Variants in SCLT1 observed in about 807,000 individuals in gnomAD.
The protein encoded by SCLT1 is sodium channel and clathrin linker 1, also known as sodium channel-associated protein 1.
A neutral mutation model predicts 112.8 loss-of-function variants in SCLT1; 78 were observed. The ratio of observed to expected loss-of-function variants is 0.69; its 90% CI spans 0.58 to 0.83. The LOEUF (loss-of-function observed/expected upper bound fraction) is 0.83, where lower values mean the gene tolerates loss of function less well. SCLT1 is among the 40% of genes least tolerant of loss of function. The probability of loss-of-function intolerance (pLI) is 0.00; values close to 1 mark genes in which losing one functional copy is unlikely to be tolerated. For missense variants in SCLT1, 747 were observed against 770.4 expected (o/e 0.97, Z 0.36); for synonymous variants, 257 against 254.7 (o/e 1.01, Z -0.09).
intron 9 of SCLT1, among the ~76,000 whole-genome samples, chr4:128,990,522 A>G (rs2126066588): frequency 6.6e-6 from 1 of 152,066 alleles, no homozygotes; most frequent in Admixed American, 6.6e-5. Context: ...CTTTCTGCTA[A>G]TATCTGGAAC....
intron 19 of SCLT1, 48 bp downstream of exon 19, chr4:128,891,011 G>T: frequency 7.6e-7 from 1 of 1,309,662 alleles, no homozygotes; most frequent in Non-Finnish European, 1.1e-6. Flanking sequence ...TATAACATGT[G>T]TATCATGCTG....
chr4:129,031,660 A>G (rs1746735047), intron 5 of SCLT1, among the ~76,000 whole-genome samples: 3 of 152,000 alleles, frequency 2.0e-5, no homozygotes. Flanking sequence ...TTCCTATACA[A>G]CAACAATAGA....
intron 15 of SCLT1, among the ~76,000 whole-genome samples, chr4:128,946,478 A>C (rs1013925031): frequency 6.6e-6 from 1 of 152,168 alleles, no homozygotes; most frequent in Non-Finnish European, 1.5e-5. Context: ...AGGCTCAGGT[A>C]GGAGGATCCT....
chr4:128,907,110 ATGAG>A, intron 18 of SCLT1, among the ~76,000 whole-genome samples: 1 of 143,638 alleles, frequency 7.0e-6, no homozygotes, highest in Non-Finnish European at 1.5e-5. Flanking sequence ...TTCAGCATGA[ATGAG>A]ATACAGAGTG....
At chr4:128,954,379 C>T (rs1323074735) in intron 13 of SCLT1, among the ~76,000 whole-genome samples, 1 of 144,254 alleles carries the variant, frequency 6.9e-6, no homozygotes, top group East Asian at 2.1e-4. Context: ...AGTGCAGGGT[C>T]GTGATCTCAG....
chr4:128,942,993 T>C lies in SCLT1; in HGVS notation c.1632+3A>G. On this transcript the variant is annotated splice_donor_region_variant and intron_variant, in intron 17 of 20. Transcript: ENST00000281142. ...ACACATTTAACTCTAGTCTTGAAAA[T>C]ACCTTTACTTTGGCTTTTTTTTGAG... 6.3e-7 allele frequency: 1 copy of C among 1,597,024 alleles called. No homozygotes were observed. Among genetic ancestry groups the C allele is most frequent in the South Asian group, 1.1e-5 (1 of 89,014 alleles).
intron 5 of SCLT1, among the ~76,000 whole-genome samples, chr4:129,011,584 T>G (rs970678850): frequency 3.1e-5 from 1 of 31,832 alleles, no homozygotes; most frequent in African/African-American, 4.6e-5. Flanking sequence ...TACCTAAGCA[T>G]TTTTTTTTTG....
intron 18 of SCLT1, among the ~76,000 whole-genome samples, chr4:128,908,860 C>T (rs1734886654): frequency 1.3e-5 from 2 of 152,168 alleles, no homozygotes; most frequent in South Asian, 2.1e-4. Flanking sequence ...TTAAAGAAGG[C>T]GTACACTCTA....
At chr4:128,927,207 C>T (rs1229442458) in intron 18 of SCLT1, among the ~76,000 whole-genome samples, 1 of 151,552 alleles carries the variant, frequency 6.6e-6, no homozygotes, top group Non-Finnish European at 1.5e-5. Flanking sequence ...AAAATGACTG[C>T]ATATGTTTAA....
chr4:128,952,760 C>G lies in SCLT1; in HGVS notation c.1218+9G>C. ...ATTTGGAAGAAAATATCAGTATAGT[C>G]AAACATACCATTTGAAGGGCTGAAA... On this transcript the variant is annotated intron_variant, in intron 14 of 20. Coordinates refer to ENST00000281142, the MANE Select transcript of SCLT1 (RefSeq NM_144643.4). The G allele has an allele frequency of 1.4e-6, 2 of 1,405,990 alleles. No individual in the cohort carries two copies. Among genetic ancestry groups the G allele is most frequent in the Non-Finnish European group, 2.0e-6 (2 of 990,850 alleles). 87.1% of individuals were successfully genotyped at this position (1,405,990 alleles called of 1,614,324 possible). A position where few individuals can be genotyped will look rare whatever the true frequency, so the allele number is the denominator to read the frequency against.
intron 11 of SCLT1, among the ~76,000 whole-genome samples, chr4:128,964,742 CTCT>C (rs1479410288): frequency 6.6e-6 from 1 of 152,018 alleles, no homozygotes; most frequent in Non-Finnish European, 1.5e-5. Flanking sequence ...ATCAAATTTC[CTCT>C]TAACTATGAT....
intron 5 of SCLT1, among the ~76,000 whole-genome samples, chr4:129,013,874 T>C (rs1345885679): frequency 6.6e-6 from 1 of 152,210 alleles, no homozygotes; most frequent in Non-Finnish European, 1.5e-5. Context: ...TTGGGTAAGT[T>C]CTAATGGATG....
In SCLT1 at chr4:129,071,122, C is replaced by T. The variant is rs372983025; in HGVS notation, c.102+11184G>A. ...TTTGGAGTCAATTTCCAGTTTTATGCCACTGTGGTCTGAGAGAGTGCTTGA... is the reference window on the plus strand; with the variant it reads ...TTTGGAGTCAATTTCCAGTTTTATGTCACTGTGGTCTGAGAGAGTGCTTGA... On this transcript the variant is annotated intron_variant, in intron 2 of 20. Coordinates refer to ENST00000281142, the MANE Select transcript of SCLT1 (RefSeq NM_144643.4). Among the ~76,000 whole-genome samples, 21 of 152,198 alleles carry T rather than the reference C, an allele frequency of 1.4e-4. No individual in the cohort carries two copies. In the East Asian group the frequency reaches 3.9e-3, roughly 28 times the overall value.
chr4:129,039,551 CT>C, intron 4 of SCLT1: 1 of 157,124 alleles, frequency 6.4e-6, no homozygotes. Context: ...AAATGGAGGT[CT>C]TTTTTAGCAG....
At chr4:129,022,402 A>G (rs563198015) in intron 5 of SCLT1, among the ~76,000 whole-genome samples, 1 of 152,350 alleles carries the variant, frequency 6.6e-6, no homozygotes, top group Non-Finnish European at 1.5e-5. Context: ...ACCTTGACAA[A>G]AGTTTACAGG....
intron 5 of SCLT1, among the ~76,000 whole-genome samples, chr4:129,012,641 G>C (rs1055179178): frequency 7.2e-5 from 11 of 152,108 alleles, no homozygotes; most frequent in Non-Finnish European, 2.9e-5. Flanking sequence ...CACTACTATT[G>C]TATGGGAGTC....
At chr4:128,887,768 C>G (rs1732996581) in intron 20 of SCLT1, among the ~76,000 whole-genome samples, 1 of 152,142 alleles carries the variant, frequency 6.6e-6, no homozygotes, top group South Asian at 2.1e-4. Flanking sequence ...ATTTTCTACT[C>G]TATTTCCCAC....
intron 14 of SCLT1, among the ~76,000 whole-genome samples, chr4:128,951,995 A>T (rs1489215534): frequency 6.6e-6 from 1 of 152,152 alleles, no homozygotes; most frequent in Non-Finnish European, 1.5e-5. Context: ...TATACTCTGC[A>T]AAACACTGTA....
At chr4:129,081,645 C>T (rs922550501) in intron 2 of SCLT1, among the ~76,000 whole-genome samples, 2 of 152,226 alleles carry the variant, frequency 1.3e-5, no homozygotes, top group Non-Finnish European at 2.9e-5. Flanking sequence ...GGGAAATTTG[C>T]ACCCATGATC....
Sources: allele counts gnomAD v4.1 joint callset (sites outside exome capture counted in the v4.1 genomes callset), GRCh38; gene constraint gnomAD v4.1.1; transcripts MANE v1.5; gene names NCBI Gene and HGNC (gene_info 2026-07-23, HGNC 2026-07-21).